Variants in PDE10A observed in about 807,000 individuals in gnomAD.
PDE10A encodes the protein phosphodiesterase 10A, also known as cAMP and cAMP-inhibited cGMP 3',5'-cyclic phosphodiesterase 10A.
Under a neutral mutation model 97.7 loss-of-function variants are expected in PDE10A, and 39 were observed. The observed-to-expected ratio is 0.40, with a 90% CI of 0.31 to 0.52. PDE10A has a LOEUF of 0.52. PDE10A is among the 20% of genes least tolerant of loss of function. The pLI is 0.56. For synonymous variants in PDE10A, 371 were observed against 376.8 expected (o/e 0.98, Z 0.18); for missense variants, 731 against 1,047.8 (o/e 0.70, Z 4.17).
intron 1 of PDE10A, among the ~76,000 whole-genome samples, chr6:165,927,449 C>T (rs1455743122): frequency 6.6e-6 from 1 of 151,560 alleles, no homozygotes; most frequent in Admixed American, 6.6e-5. Flanking sequence ...TTTTAAAAGG[C>T]AGTTTTTTAA....
intron 1 of PDE10A, among the ~76,000 whole-genome samples, chr6:165,704,390 G>A (rs1791657063): frequency 6.6e-6 from 1 of 152,202 alleles, no homozygotes; most frequent in Non-Finnish European, 1.5e-5. Flanking sequence ...GATATACTCA[G>A]CTGAGATAAC....
At chr6:165,556,199 C>T (rs1434583114) in intron 1 of PDE10A, among the ~76,000 whole-genome samples, 4 of 152,098 alleles carry the variant, frequency 2.6e-5, no homozygotes, top group African/African-American at 9.7e-5. Flanking sequence ...GGGGTCAGTA[C>T]CTCTAATCCC....
intron 1 of PDE10A, among the ~76,000 whole-genome samples, chr6:165,943,793 G>A (rs9295318): frequency 0.16 from 24,115 of 152,230 alleles, 2,099 homozygotes; most frequent in Non-Finnish European, 0.19. Flanking sequence ...CAGAAATAGT[G>A]ATTTTCCAGC....
At chr6:165,969,723 T>C (rs1459259754) in intron 1 of PDE10A, among the ~76,000 whole-genome samples, 1 of 152,162 alleles carries the variant, frequency 6.6e-6, no homozygotes, top group Non-Finnish European at 1.5e-5. Context: ...ATGTATACAT[T>C]GAAAGACACA....
At chr6:165,824,867 T>C (rs1226728228) in intron 1 of PDE10A, among the ~76,000 whole-genome samples, 1 of 150,808 alleles carries the variant, frequency 6.6e-6, no homozygotes, top group Non-Finnish European at 1.5e-5. Flanking sequence ...CGGTGGCTCA[T>C]GCCTGTAATC....
At chr6:165,390,009 G>T (rs1030402972) in intron 16 of PDE10A, among the ~76,000 whole-genome samples, 2 of 152,136 alleles carry the variant, frequency 1.3e-5, no homozygotes, top group African/African-American at 4.8e-5. Flanking sequence ...TGCTTGAAAA[G>T]ACTGAAGTGT....
chr6:165,860,060 A>G (rs28402343), intron 1 of PDE10A, among the ~76,000 whole-genome samples: 1 of 152,180 alleles, frequency 6.6e-6, no homozygotes, highest in Non-Finnish European at 1.5e-5. Flanking sequence ...GAAAGGGCAG[A>G]GGGATAAAAG....
chr6:165,445,806 T>C (rs1165097733), intron 5 of PDE10A, among the ~76,000 whole-genome samples: 1 of 151,996 alleles, frequency 6.6e-6, no homozygotes, highest in African/African-American at 2.4e-5. Flanking sequence ...TGCATGTCTA[T>C]CTCCAAGAAA....
intron 7 of PDE10A, among the ~76,000 whole-genome samples, 153 bp from the exon 8 acceptor site, chr6:165,431,625 T>C (rs1045829081): frequency 1.4e-5 from 2 of 146,164 alleles, no homozygotes; most frequent in African/African-American, 2.6e-5. Context: ...ACATAACATA[T>C]ATATATATAT....
chr6:165,885,234 T>C (rs929815151), intron 1 of PDE10A, among the ~76,000 whole-genome samples: 8 of 152,162 alleles, frequency 5.3e-5, no homozygotes, highest in African/African-American at 1.9e-4. Context: ...GGGTAATTTA[T>C]AAAGAAAAGA....
Position 165,418,575 on chromosome 6 carries a change from G to A in PDE10A, c.1796+60C>T. ...ACCTGTGAATAGGCACAGAAAAATG[G>A]GTAACGGAACGCCTGCACATCTACC... is the stretch of plus-strand genomic sequence containing the variant. On this transcript the variant is annotated intron_variant, in intron 11 of 21. Coordinates refer to ENST00000539869, the MANE Select transcript of PDE10A (RefSeq NM_001385079.1). The surrounding 1 kb of genome is among the most constrained non-coding windows in gnomAD (Gnocchi z 4.8). 5 of 1,505,348 alleles carry A rather than the reference G, an allele frequency of 3.3e-6. No homozygotes were observed. Among genetic ancestry groups the A allele is most frequent in the Non-Finnish European group, 4.6e-6 (5 of 1,097,746 alleles). 93.2% of individuals were successfully genotyped at this position (1,505,348 alleles called of 1,614,324 possible).
At chr6:165,416,603 TAAATTTTTTTAG>T (rs1332473159) in intron 11 of PDE10A, among the ~76,000 whole-genome samples, 1 of 152,154 alleles carries the variant, frequency 6.6e-6, no homozygotes, top group Non-Finnish European at 1.5e-5. Flanking sequence ...CGCTTCAACA[TAAATTTTTTTAG>T]TGGATTCTCA....
chr6:165,692,869 G>T (rs1791342287), intron 1 of PDE10A, among the ~76,000 whole-genome samples: 6 of 152,156 alleles, frequency 3.9e-5, no homozygotes, highest in Admixed American at 3.9e-4. Context: ...AGGAGAAGCG[G>T]AATACTGCAC....
At chr6:165,597,188 G>T (rs754188023) in intron 1 of PDE10A, among the ~76,000 whole-genome samples, 1 of 151,988 alleles carries the variant, frequency 6.6e-6, no homozygotes, top group Non-Finnish European at 1.5e-5. Flanking sequence ...TTCATTCACT[G>T]CTGTATTCCC....
chr6:165,886,802 C>T (rs1371987141), intron 1 of PDE10A, among the ~76,000 whole-genome samples: 1 of 152,134 alleles, frequency 6.6e-6, no homozygotes. Context: ...GAGGAACATA[C>T]CTTTCTCTAG....
intron 1 of PDE10A, among the ~76,000 whole-genome samples, chr6:165,700,107 T>C (rs1443398632): frequency 6.6e-6 from 1 of 152,190 alleles, no homozygotes; most frequent in African/African-American, 2.4e-5. Flanking sequence ...TGTCCATCAA[T>C]GGATGAATGG....
At chr6:165,987,164 G>A (rs1473014262) in intron 1 of PDE10A, among the ~76,000 whole-genome samples, 1 of 152,184 alleles carries the variant, frequency 6.6e-6, no homozygotes, top group African/African-American at 2.4e-5. Context: ...GTTTGCAGCT[G>A]GCGCGCAGCC....
chr6:165,787,041 G>A (rs928406461), intron 1 of PDE10A, among the ~76,000 whole-genome samples: 1 of 151,936 alleles, frequency 6.6e-6, no homozygotes, highest in African/African-American at 2.4e-5. Flanking sequence ...TTCTCAGTGG[G>A]TATTTTCAAA....
At chr6:165,394,019 G>C (rs779552674) in intron 15 of PDE10A, among the ~76,000 whole-genome samples, 9 of 151,884 alleles carry the variant, frequency 5.9e-5, no homozygotes, top group Non-Finnish European at 8.8e-5. Context: ...ATGATGTTAG[G>C]TTGAAAGTTG....
Sources: gnomAD v4.1 joint callset for allele counts (sites outside exome capture counted in the v4.1 genomes callset) on GRCh38, gnomAD v4.1.1 for gene constraint, Gnocchi (gnomAD v3.1) non-coding constraint, MANE v1.5 for transcripts, NCBI Gene and HGNC (gene_info 2026-07-23, HGNC 2026-07-21) for gene names.